Variants in FBXO31 observed in about 807,000 individuals in gnomAD.
FBXO31 encodes F-box only protein 31.
A neutral mutation model predicts 54.4 loss-of-function variants in FBXO31; 24 were observed. That is an observed-to-expected ratio of 0.44 (90% CI 0.32 to 0.62). FBXO31 has a LOEUF of 0.62. Ranked by LOEUF, FBXO31 falls within the 20% of genes least tolerant of loss-of-function variation. FBXO31 has a pLI of 0.05. For synonymous variants in FBXO31, 388 were observed against 335.6 expected, an observed-to-expected ratio of 1.16 and a Z score of -1.71; for missense variants, 665 against 787.1, an observed-to-expected ratio of 0.84 and a Z score of 1.86.
At chr16:87,386,010 CA>C (rs969534488), upstream of FBXO31, 109 of 139,276 alleles carry the variant, frequency 7.8e-4, no homozygotes, top group Admixed American at 7.2e-4. Flanking sequence ...GACTCTTTCT[CA>C]AAAAAAAAAA....
In FBXO31 at chr16:87,345,219, G is replaced by A. The variant is rs1410673182; in HGVS notation, c.490-1454C>T. Among the ~76,000 whole-genome samples, 1 of 152,094 alleles carries A rather than the reference G, an allele frequency of 6.6e-6. No homozygotes were observed. The highest frequency in any genetic ancestry group is 1.5e-5 in the Non-Finnish European group (1 of 68,026). On this transcript the variant is annotated intron_variant, in intron 3 of 8. Transcript: ENST00000311635. The surrounding 1 kb of genome is among the most constrained non-coding windows in gnomAD (Gnocchi z 4.9). ...ACCGGATTTTCAACACAGCAAGAAC[G>A]ATGGCAACAGTGACACCTCAGGGGC...
chr16:87,373,554 G>A (rs1378814683), intron 1 of FBXO31, among the ~76,000 whole-genome samples: 1 of 146,708 alleles, frequency 6.8e-6, no homozygotes, highest in Non-Finnish European at 1.5e-5. Context: ...TTTTTTGACA[G>A]GGTCTCACTT....
At chr16:87,364,799 A>ATC (rs1906283096) in intron 1 of FBXO31, among the ~76,000 whole-genome samples, 1 of 151,280 alleles carries the variant, frequency 6.6e-6, no homozygotes, top group South Asian at 2.1e-4. Flanking sequence ...GGGCAGGCGG[A>ATC]TTACCTGAGC....
intron 4 of FBXO31, among the ~76,000 whole-genome samples, chr16:87,343,202 A>G (rs533094385): frequency 6.6e-6 from 1 of 152,366 alleles, no homozygotes; most frequent in South Asian, 2.1e-4. Context: ...GACACAGAGC[A>G]GCAAAAGGGC....
At chr16:87,364,587 G>A (rs1472709005) in intron 1 of FBXO31, among the ~76,000 whole-genome samples, 1 of 152,090 alleles carries the variant, frequency 6.6e-6, no homozygotes, top group Non-Finnish European at 1.5e-5. Context: ...GCATCCAACT[G>A]CCCACCCGTC....
chr16:87,353,923 C>T (rs994721570), intron 2 of FBXO31, among the ~76,000 whole-genome samples: 3 of 152,228 alleles, frequency 2.0e-5, no homozygotes, highest in East Asian at 1.9e-4. Context: ...ACTCCCACAC[C>T]GATTAGATGA....
chr16:87,360,156 C>T, intron 2 of FBXO31, 139 bp downstream of exon 2: 2 of 736,388 alleles, frequency 2.7e-6, no homozygotes, highest in African/African-American at 1.7e-5. Context: ...TACCAGTGCT[C>T]TATTCAAAAT....
In FBXO31 at chr16:87,337,094, C is replaced by T. The variant is rs184789825; in HGVS notation, c.733-830G>A. On this transcript the variant is annotated intron_variant, in intron 5 of 8. Coordinates refer to ENST00000311635, the MANE Select transcript of FBXO31 (RefSeq NM_024735.5). ...AAATCACTGCAGGAGCTGCACTGAGCACCTGGCAGGACCACATGGTCAACA... is the reference window on the plus strand; with the variant it reads ...AAATCACTGCAGGAGCTGCACTGAGTACCTGGCAGGACCACATGGTCAACA... Among the ~76,000 whole-genome samples, 231 of 152,322 alleles carry T rather than the reference C, an allele frequency of 1.5e-3. 1 individual carries two copies. Among genetic ancestry groups the T allele is most frequent in the Admixed American group, 3.9e-3 (60 of 15,300 alleles).
upstream of FBXO31, among the ~76,000 whole-genome samples, chr16:87,385,138 G>A (rs1029954843): frequency 6.7e-6 from 1 of 149,288 alleles, no homozygotes; most frequent in Non-Finnish European, 1.5e-5. Context: ...TACCCACATA[G>A]TGAGACGCCC....
At chr16:87,365,037 A>ATATATATATATATATATATCTATATATC (rs1489132121) in intron 1 of FBXO31, among the ~76,000 whole-genome samples, 7 of 106,872 alleles carry the variant, frequency 6.5e-5, no homozygotes, top group African/African-American at 2.5e-4. Context: ...ATATATATAT[A>ATATATATATATATATATATCTATATATC]TATCAGGCAG....
chr16:87,374,643 C>T (rs1400604000), intron 1 of FBXO31, among the ~76,000 whole-genome samples: 1 of 152,178 alleles, frequency 6.6e-6, no homozygotes, highest in African/African-American at 2.4e-5. Flanking sequence ...TTCCACGTAA[C>T]ATTAAAGTAT....
intron 5 of FBXO31, among the ~76,000 whole-genome samples, chr16:87,342,472 G>A (rs1462820651): frequency 3.3e-5 from 5 of 152,146 alleles, no homozygotes; most frequent in South Asian, 2.1e-4. Flanking sequence ...GCACTGGCAC[G>A]ATCCGGAAGC....
chr16:87,362,449 T>C (rs1906177401), intron 1 of FBXO31: 1 of 152,198 alleles, frequency 6.6e-6, no homozygotes, highest in Non-Finnish European at 1.5e-5. Flanking sequence ...TGTAGTGTAG[T>C]GGCTATAGTT....
Position 87,374,498 on chromosome 16 carries a change from T to C in FBXO31, c.340+8907A>G, listed in dbSNP as rs190430751. Among the ~76,000 whole-genome samples, 288 of 152,338 alleles carry C rather than the reference T, an allele frequency of 1.9e-3. 1 individual carries two copies. Among genetic ancestry groups the C allele is most frequent in the African/African-American group, 6.7e-3 (277 of 41,582 alleles). On this transcript the variant is annotated intron_variant, in intron 1 of 8. Coordinates refer to ENST00000311635, the MANE Select transcript of FBXO31 (RefSeq NM_024735.5). ...CATGGGCACGCGCAGCAGTTCCTAC[T>C]GAATGTGTGTCACTCTCATGCCAGC...
intron 2 of FBXO31, among the ~76,000 whole-genome samples, chr16:87,353,895 C>T (rs552007683): frequency 2.6e-4 from 40 of 152,374 alleles, no homozygotes; most frequent in Middle Eastern, 6.8e-3. Flanking sequence ...TGTTCATCTG[C>T]TCCAGCAGCC....
chr16:87,383,395 G>T lies in FBXO31; in HGVS notation c.340+10C>A. On this transcript the variant is annotated intron_variant, in intron 1 of 8. Coordinates refer to ENST00000311635, the MANE Select transcript of FBXO31 (RefSeq NM_024735.5). This position sits in a 1 kb window ranked among gnomAD's most constrained non-coding sequence, Gnocchi z 4.9. ...CGCCCCTCCCGGCCCCGCCACCCCC[G>T]CGCGCTCACCCTCACGGCAACGCCT... is the stretch of plus-strand genomic sequence containing the variant. 1.3e-6 allele frequency: 1 copy of T among 752,640 alleles called. No homozygotes were observed. Among genetic ancestry groups the T allele is most frequent in the Non-Finnish European group, 2.0e-6 (1 of 505,272 alleles). The allele number at this position is 752,640 out of a possible 1,614,324, so 46.6% of individuals were successfully genotyped here.
At chr16:87,359,091 C>T (rs959384254) in intron 2 of FBXO31, among the ~76,000 whole-genome samples, 4 of 152,184 alleles carry the variant, frequency 2.6e-5, no homozygotes, top group Admixed American at 1.3e-4. Context: ...ACAGTTGCTG[C>T]GCTGTGAAAA....
chr16:87,379,818 T>C (rs1185216854), intron 1 of FBXO31, among the ~76,000 whole-genome samples: 3 of 151,532 alleles, frequency 2.0e-5, no homozygotes, highest in African/African-American at 7.3e-5. Context: ...CAACTCCTGA[T>C]CTCGGGTGAT....
chr16:87,330,199 TAACAC>T lies in FBXO31; in HGVS notation c.*1084_*1088del, dbSNP rs911144665. On this transcript the variant is annotated 3_prime_UTR_variant, in exon 9 of 9. Coordinates refer to ENST00000311635, the MANE Select transcript of FBXO31 (RefSeq NM_024735.5). The stretch of plus-strand genomic sequence containing the variant: ...AGATGGGGTCCCCACACGCAGGTGT[TAACAC>T]AACATGGGGCACACAGCAGTGGAGG... The T allele has an allele frequency of 7.2e-5, 11 of 152,522 alleles. No individual in the cohort carries two copies. Among genetic ancestry groups the T allele is most frequent in the African/African-American group, 2.6e-4 (11 of 41,590 alleles). 9.4% of individuals were successfully genotyped at this position (152,522 alleles called of 1,614,324 possible).
Sources: gnomAD v4.1 joint callset for allele counts (sites outside exome capture counted in the v4.1 genomes callset) on GRCh38, gnomAD v4.1.1 for gene constraint, Gnocchi (gnomAD v3.1) non-coding constraint, MANE v1.5 for transcripts, NCBI Gene and HGNC (gene_info 2026-07-23, HGNC 2026-07-21) for gene names.